WDR24: variants seen among roughly 807,000 people sequenced by gnomAD.
WDR24 encodes WD repeat domain 24.
Under a neutral mutation model 66.7 loss-of-function variants are expected in WDR24, and 32 were observed. That is an observed-to-expected ratio of 0.48 (90% CI 0.36 to 0.64). The LOEUF is 0.64. Among genes scored for constraint, WDR24 ranks in the 30% least tolerant of loss-of-function variants. The pLI, the probability that WDR24 is intolerant of heterozygous loss-of-function variation, is 0.00. For synonymous variants in WDR24, 565 were observed against 469.1 expected, an observed-to-expected ratio of 1.20 and a Z score of -2.64; for missense variants, 978 against 1,144.1, an observed-to-expected ratio of 0.85 and a Z score of 2.09.
chr16:686,806 G>T lies in WDR24; in HGVS notation c.1270C>A (p.Arg424=), dbSNP rs151322294. 1 of 1,611,236 alleles carries T rather than the reference G, an allele frequency of 6.2e-7. No individual in the cohort carries two copies. ...DTAERYALAG[R]PLAELCDHNA... is the part of the protein sequence containing the mutation. ...TGGTCACAGAGCTCGGCCAGTGGCC[G>T]GCCAGCCAGCGCATAACGCTCAGCT... The change falls in exon 3 of 9, where the codon CGG becomes AGG. Residue 424 remains arginine, a synonymous_variant. Coordinates refer to ENST00000293883, the MANE Select transcript of WDR24 (RefSeq NM_032259.4).
intron 1 of WDR24, chr16:688,924 T>C (rs1007560622): frequency 4.8e-6 from 3 of 618,932 alleles, no homozygotes; most frequent in Non-Finnish European, 8.1e-6. Context: ...ACCCCACACC[T>C]AGCCTCAATT....
At chr16:687,901 C>T (rs777306449) in intron 1 of WDR24, 162 bp from the exon 2 acceptor site, 6 of 931,312 alleles carry the variant, frequency 6.4e-6, no homozygotes, top group Non-Finnish European at 6.7e-6. Flanking sequence ...AGCAGCCACA[C>T]AGAGTCGCCA....
At position 685,850 on chromosome 16, in the gene WDR24, C is replaced by T. The variant is rs1265328303; in HGVS notation, c.1573+19G>A. 3.1e-6 allele frequency: 5 copies of T among 1,613,056 alleles called. No homozygotes were observed. The highest frequency in any genetic ancestry group is 2.7e-5 in the African/African-American group (2 of 74,918). On this transcript the variant is annotated intron_variant, in intron 5 of 8. Coordinates refer to ENST00000293883, the MANE Select transcript of WDR24 (RefSeq NM_032259.4). ...CCCCCACCCCTCTCCCATCAGCACC[C>T]CTACCCACCCCAGCCTACCCTCATT... is the stretch of plus-strand genomic sequence containing the variant.
chr16:685,016 C>A lies in WDR24; in HGVS notation c.2180G>T (p.Ser727Ile). ...VNCSHCKRPM[S>I]SRGWVCDRCH... The stretch of plus-strand genomic sequence containing the variant: ...CCTGTCGCAGACCCAGCCCCGGCTG[C>A]TCATGGGCCGCTTGCAGTGGCTGCA... Residue 727 changes from serine (S) to isoleucine (I), a missense_variant, in exon 8 of 9, where the codon AGC (serine) becomes ATC (isoleucine). Around this residue, in one of 2 missense-constraint regions of WDR24, gnomAD observed 676 missense variants for 617.5 expected, o/e 1.09. Coordinates refer to ENST00000293883, the MANE Select transcript of WDR24 (RefSeq NM_032259.4). 1 of 1,553,462 alleles carries A rather than the reference C, an allele frequency of 6.4e-7. No individual in the cohort carries two copies. Among genetic ancestry groups the A allele is most frequent in the Non-Finnish European group, 8.7e-7 (1 of 1,151,262 alleles).
chr16:688,832 TC>T (rs1319852272), intron 1 of WDR24, among the ~76,000 whole-genome samples: 1 of 152,206 alleles, frequency 6.6e-6, no homozygotes, highest in Non-Finnish European at 1.5e-5. Context: ...CCTCTGTAGC[TC>T]CGACATGAGG....
rs762076686 is a variant in WDR24 at position 687,733 on chromosome 16, G to T, written c.488C>A (p.Ser163Ter). 1.2e-6 allele frequency: 2 copies of T among 1,612,692 alleles called. No homozygotes were observed. Among genetic ancestry groups the T allele is most frequent in the South Asian group, 1.1e-5 (1 of 90,936 alleles). Residue 163 changes from serine (S) to a stop codon, truncating the protein, a stop_gained, in exon 2 of 9, where the codon TCG becomes TAG. Coordinates refer to ENST00000293883, the MANE Select transcript of WDR24 (RefSeq NM_032259.4). LOFTEE classifies it high-confidence loss of function. ...KDSVSTFSGQSESVRDVQFSI... is the reference protein window; with the variant it reads ...KDSVSTFSGQ ...GAACTGCACGTCCCGCACGCTCTCC[G>T]ACTGGCCTGCAGGCAGGAGGTCGAT...
rs2039925552 is a variant in WDR24 at position 687,677 on chromosome 16, T to A, written c.544A>T (p.Thr182Ser). The A allele has an allele frequency of 1.9e-6, 3 of 1,613,468 alleles. No homozygotes were observed. Residue 182 changes from threonine to serine, a missense_variant, in exon 2 of 9, where the codon ACC becomes TCC. This residue lies in a region of WDR24 where 302 missense variants were observed against 526.6 expected (regional missense o/e 0.57). Coordinates refer to ENST00000293883, the MANE Select transcript of WDR24 (RefSeq NM_032259.4). The stretch of plus-strand genomic sequence containing the variant: ...AGCTGCACATTGCCGTTCTCAAAGG[T>A]GGAGGCGAAGGTGAAGTAGTCCCGG... Reference protein sequence around the residue: ...SIRDYFTFASTFENGNVQLWD... With the variant: ...SIRDYFTFASSFENGNVQLWD...
chr16:686,488 A>AG (rs1367690044), intron 3 of WDR24, among the ~76,000 whole-genome samples: 1 of 152,008 alleles, frequency 6.6e-6, no homozygotes, highest in African/African-American at 2.4e-5. Context: ...TCCAGAAGCA[A>AG]GGGGGGAAGA....
Position 685,802 on chromosome 16 carries a change from G to A in WDR24, c.1574-19C>T, listed in dbSNP as rs1262937449. On this transcript the variant is annotated intron_variant, in intron 5 of 8. Transcript: ENST00000293883. ...TCGTTATCTGCCCGACAATGGGGCGGGCATTCAGGGTCGTCTGGGACACCC... is the reference window on the plus strand; with the variant it reads ...TCGTTATCTGCCCGACAATGGGGCGAGCATTCAGGGTCGTCTGGGACACCC... 6.2e-7 allele frequency: 1 copy of A among 1,613,108 alleles called. No individual in the cohort carries two copies. The highest frequency in any genetic ancestry group is 1.7e-5 in the Admixed American group (1 of 60,016).
Position 685,511 on chromosome 16 carries a change from G to A in WDR24, c.1765C>T (p.Gln589Ter), listed in dbSNP as rs2151515040. Residue 589 changes from glutamine to a stop codon, truncating the protein, a stop_gained, in exon 7 of 9, where the codon CAG becomes TAG. Coordinates refer to ENST00000293883, the MANE Select transcript of WDR24 (RefSeq NM_032259.4). LOFTEE classifies it high-confidence loss of function. ...VDTPPGPEHL[Q>*]DKADSPHVSG... ...ACGTGCGGGGAGTCGGCCTTGTCCTGCAGGTGCTCGGGCCCGGGAGGCGTG... is the reference window on the plus strand; with the variant it reads ...ACGTGCGGGGAGTCGGCCTTGTCCTACAGGTGCTCGGGCCCGGGAGGCGTG... 1 of 1,593,216 alleles carries A rather than the reference G, an allele frequency of 6.3e-7. No homozygotes were observed. The highest frequency in any genetic ancestry group is 2.3e-5 in the East Asian group (1 of 44,422).
In WDR24 at chr16:685,921, T is replaced by C. The variant is rs763053; in HGVS notation, c.1521A>G (p.Ala507=). ...AGTCGAGCAGAACTGTGTCGCTCCG[T>C]GCATCTCCTTTGCTGCGGTCCAGCC... ...ETRLDRSKGD[A]RSDTVLLDSS... Residue 507 remains alanine, a synonymous_variant, in exon 5 of 9, where the codon GCA becomes GCG. Coordinates refer to ENST00000293883, the MANE Select transcript of WDR24 (RefSeq NM_032259.4). 0.29 allele frequency: 459,678 copies of C among 1,612,738 alleles called. 77,509 individuals are homozygous for C. Among genetic ancestry groups the C allele is most frequent in the East Asian group, 0.7 (31,347 of 44,818 alleles).
At chr16:688,667 T>C (rs1016189044) in intron 1 of WDR24, among the ~76,000 whole-genome samples, 5 of 152,208 alleles carry the variant, frequency 3.3e-5, no homozygotes, top group African/African-American at 1.2e-4. Context: ...CCTAGTCTCC[T>C]CCAGGTGAAC....
Position 686,725 on chromosome 16 carries a change from A to G in WDR24, c.1332+19T>C. The G allele has an allele frequency of 2.5e-6, 4 of 1,570,154 alleles. No individual in the cohort carries two copies. The highest frequency in any genetic ancestry group is 3.5e-6 in the Non-Finnish European group (4 of 1,154,896). ...CTGAGGTCGTGGCCCAGGGACCCCC[A>G]GGCTCAGCACCTACCTACCTGGTTG... On this transcript the variant is annotated intron_variant, in intron 3 of 8. Coordinates refer to ENST00000293883, the MANE Select transcript of WDR24 (RefSeq NM_032259.4).
At position 685,329 on chromosome 16, in the gene WDR24, G is replaced by A. The variant is rs562033335; in HGVS notation, c.1947C>T (p.Asp649=). Residue 649 remains aspartate (D), a synonymous_variant, in exon 7 of 9, where the codon GAC becomes GAT. Coordinates refer to ENST00000293883, the MANE Select transcript of WDR24 (RefSeq NM_032259.4). ...DMLHFYAEQG[D]VQMAVSVLIV... ...TGAGCACAGACACAGCCATCTGCAC[G>A]TCGCCCTGCTCAGCGTAGAAGTGCA... 4.5e-5 allele frequency: 72 copies of A among 1,608,192 alleles called. No homozygotes were observed. The South Asian group carries it at 7.2e-4, about 16-fold the overall frequency.
At position 689,879 on chromosome 16, in the gene WDR24, AG is replaced by A; in HGVS notation, c.-240del. On this transcript the variant is annotated 5_prime_UTR_variant, in exon 1 of 9. It introduces an in-frame stop codon into an upstream open reading frame of the 5' UTR. Coordinates refer to ENST00000293883, the MANE Select transcript of WDR24 (RefSeq NM_032259.4). Reference sequence around the variant, plus strand: ...AGCCCATCACCCTGGCTGAGCGGTGAGGGGACTTCCTAGCTTCCCTTAGGCC... The same window carrying A: ...AGCCCATCACCCTGGCTGAGCGGTGAGGGACTTCCTAGCTTCCCTTAGGCC... The A allele has an allele frequency of 1.4e-6, 1 of 727,434 alleles. No homozygotes were observed. The highest frequency in any genetic ancestry group is 2.4e-6 in the Non-Finnish European group (1 of 411,234). 45.1% of individuals were successfully genotyped at this position (727,434 alleles called of 1,614,324 possible). A position where few individuals can be genotyped will look rare whatever the true frequency, so the allele number is the denominator to read the frequency against.
chr16:685,894 G>A lies in WDR24; in HGVS notation c.1548C>T (p.Ser516=). 1 of 1,613,166 alleles carries A rather than the reference G, an allele frequency of 6.2e-7. No homozygotes were observed. ...CCTCATTGGTGATGAGTGTGGCCGA[G>A]GAGTCGAGCAGAACTGTGTCGCTCC... is the stretch of plus-strand genomic sequence containing the variant. The part of the protein sequence containing the change: ...DARSDTVLLD[S]SATLITNEDN... Residue 516 remains serine (S), a synonymous_variant, in exon 5 of 9, where the codon TCC becomes TCT. Coordinates refer to ENST00000293883, the MANE Select transcript of WDR24 (RefSeq NM_032259.4).
Position 687,516 on chromosome 16 carries a change from T to C in WDR24, c.659+46A>G, listed in dbSNP as rs563147637. On this transcript the variant is annotated intron_variant, in intron 2 of 8. Transcript: ENST00000293883. Reference sequence around the variant, plus strand: ...GGACTGTCTCATGGATCTGAGGCAGTGAGAGCTTACTGTCAACCTACTGCC... The same window carrying C: ...GGACTGTCTCATGGATCTGAGGCAGCGAGAGCTTACTGTCAACCTACTGCC... The C allele has an allele frequency of 5.0e-6, 8 of 1,601,072 alleles. No homozygotes were observed. In the African/African-American group the frequency reaches 1.1e-4, roughly 21 times the overall value.
At position 689,690 on chromosome 16, in the gene WDR24, G is replaced by A; in HGVS notation, c.-50C>T. On this transcript the variant is annotated 5_prime_UTR_variant, in exon 1 of 9. Transcript: ENST00000293883. ...GGTCAGGAGGTCAGTGAGGTGGGCTGGCCTGGTCAGCCTGGGTGGGTCATC... is the reference window on the plus strand; with the variant it reads ...GGTCAGGAGGTCAGTGAGGTGGGCTAGCCTGGTCAGCCTGGGTGGGTCATC... 6.3e-7 allele frequency: 1 copy of A among 1,590,888 alleles called. No homozygotes were observed. Among genetic ancestry groups the A allele is most frequent in the Admixed American group, 1.7e-5 (1 of 58,538 alleles).
chr16:685,532 G>T lies in WDR24; in HGVS notation c.1744C>A (p.Pro582Thr), dbSNP rs761607525. The change falls in exon 7 of 9, where the codon CCT becomes ACT. Residue 582 changes from proline to threonine, a missense_variant. Transcript: ENST00000293883. ...TCCTGCAGGTGCTCGGGCCCGGGAG[G>T]CGTGTCCACGATCTCGTGGCGCAGC... ...FPLRHEIVDTPPGPEHLQDKA... is the reference protein window; with the variant it reads ...FPLRHEIVDTTPGPEHLQDKA... 6.9e-6 allele frequency: 11 copies of T among 1,588,190 alleles called. No homozygotes were observed. In the East Asian group the frequency reaches 1.4e-4, roughly 19 times the overall value.
Sources: gnomAD v4.1 joint callset for allele counts (sites outside exome capture counted in the v4.1 genomes callset) on GRCh38, gnomAD v4.1.1 for gene constraint, gnomAD v4.1.1 regional missense constraint, MANE v1.5 for transcripts, NCBI Gene and HGNC (gene_info 2026-07-23, HGNC 2026-07-21) for gene names.